The following LIFR variants were observed in gnomAD, a reference collection of about 807,000 sequenced individuals.
The protein encoded by LIFR is LIF receptor subunit alpha.
A neutral mutation model predicts 122.2 loss-of-function variants in LIFR; 84 were observed. The ratio of observed to expected loss-of-function variants is 0.69; its 90% CI spans 0.58 to 0.82. The LOEUF (loss-of-function observed/expected upper bound fraction) is 0.82. Among genes scored for constraint, LIFR ranks in the 40% least tolerant of loss-of-function variants. The pLI is 0.00. For synonymous variants in LIFR, 422 were observed against 434.7 expected (o/e 0.97, Z 0.36); for missense variants, 1,294 against 1,311.6 (o/e 0.99, Z 0.21).
intron 11 of LIFR, among the ~76,000 whole-genome samples, 182 bp from the exon 12 acceptor site, chr5:38,499,765 C>T (rs1745080632): frequency 6.6e-6 from 1 of 152,092 alleles, no homozygotes; most frequent in Non-Finnish European, 1.5e-5. Context: ...AACACACGGC[C>T]CCCTCGAATG....
chr5:38,478,560 C>T lies in LIFR; in HGVS notation c.*3035G>A, dbSNP rs1743830325. On this transcript the variant is annotated 3_prime_UTR_variant, in exon 20 of 20. Transcript: ENST00000453190. The stretch of plus-strand genomic sequence containing the variant: ...TATGCAATATATGATTCACAAGGTT[C>T]ATCTAATGTTAAAAGTCTAGCTAAG... 5.2e-6 allele frequency: 1 copy of T among 191,950 alleles called. No individual in the cohort carries two copies. Among genetic ancestry groups the T allele is most frequent in the Admixed American group, 6.1e-5 (1 of 16,326 alleles). The allele number at this position is 191,950 out of a possible 1,614,324, so 11.9% of individuals were successfully genotyped here. A position where few individuals can be genotyped will look rare whatever the true frequency, so the allele number is the denominator to read the frequency against.
At chr5:38,542,010 C>T (rs373358959) in intron 1 of LIFR, among the ~76,000 whole-genome samples, 1 of 152,124 alleles carries the variant, frequency 6.6e-6, no homozygotes, top group African/African-American at 2.4e-5. Flanking sequence ...TGTCTAAAAT[C>T]GTGTCCTCCA....
rs193186318 is a variant in LIFR at position 38,513,343 on chromosome 5, C to T, written c.562-1379G>A. On this transcript the variant is annotated intron_variant, in intron 5 of 19. Coordinates refer to ENST00000453190, the MANE Select transcript of LIFR (RefSeq NM_001127671.2). The stretch of plus-strand genomic sequence containing the variant: ...GCCAAAGGGCTCAGTGAGTGGCTAT[C>T]CCAGGCTCCCCTGGAAATAAAGAGC... Among the ~76,000 whole-genome samples the T allele has an allele frequency of 1.8e-3, 278 of 152,284 alleles. 2 individuals carry two copies. The highest frequency in any genetic ancestry group is 3.0e-3 in the Non-Finnish European group (203 of 68,034).
chr5:38,530,669 A>T lies in LIFR; in HGVS notation c.-19-3T>A. 1 of 1,612,786 alleles carries T rather than the reference A, an allele frequency of 6.2e-7. No homozygotes were observed. The highest frequency in any genetic ancestry group is 1.1e-5 in the South Asian group (1 of 91,064). ...TCATCTGTGCAATGCAGTCAGTCCT[A>T]GGTTAGGAGAGGAATTCCAGATGGT... On this transcript the variant is annotated splice_region_variant and splice_polypyrimidine_tract_variant and intron_variant, in intron 1 of 19. Transcript: ENST00000453190.
intron 11 of LIFR, among the ~76,000 whole-genome samples, chr5:38,499,899 G>C (rs1280325467): frequency 6.6e-6 from 1 of 152,070 alleles, no homozygotes; most frequent in Non-Finnish European, 1.5e-5. Flanking sequence ...ATATGCCAAA[G>C]ACACAACTGC....
chr5:38,598,764 A>G (rs1347367488), upstream of LIFR, among the ~76,000 whole-genome samples: 1 of 152,136 alleles, frequency 6.6e-6, no homozygotes, highest in African/African-American at 2.4e-5. Context: ...CATAGGATGT[A>G]TCTTACTCCT....
intron 1 of LIFR, among the ~76,000 whole-genome samples, chr5:38,589,684 T>C (rs375678150): frequency 7.6e-4 from 115 of 151,882 alleles, no homozygotes; most frequent in African/African-American, 2.7e-3. Context: ...AAATTAGAGT[T>C]GCAATAGCAA....
chr5:38,497,302 A>C (rs550255317), intron 12 of LIFR, among the ~76,000 whole-genome samples: 57 of 152,370 alleles, frequency 3.7e-4, no homozygotes, highest in African/African-American at 1.3e-3. Flanking sequence ...AACAGCAAAA[A>C]TGAATCTCTC....
At chr5:38,532,756 G>A (rs1747081377) in intron 1 of LIFR, among the ~76,000 whole-genome samples, 2 of 152,144 alleles carry the variant, frequency 1.3e-5, no homozygotes, top group African/African-American at 4.8e-5. Context: ...ACTTACTGTG[G>A]GCCAGAACAA....
Position 38,493,629 on chromosome 5 carries a change from C to T in LIFR, c.2042G>A (p.Ser681Asn). ...ACCAGATTCTATTACAGTTTCAGTGCTGTTTGAGGGAACTTTTCTCCAGTC... is the reference window on the plus strand; with the variant it reads ...ACCAGATTCTATTACAGTTTCAGTGTTGTTTGAGGGAACTTTTCTCCAGTC... Reference protein sequence around the residue: ...LMDWRKVPSNSTETVIESDEF... With the variant: ...LMDWRKVPSNNTETVIESDEF... The change falls in exon 14 of 20, where the codon AGC becomes AAC. Residue 681 changes from serine to asparagine, a missense_variant. Transcript: ENST00000453190. 1 of 1,614,070 alleles carries T rather than the reference C, an allele frequency of 6.2e-7. No individual in the cohort carries two copies. Among genetic ancestry groups the T allele is most frequent in the Non-Finnish European group, 8.5e-7 (1 of 1,179,938 alleles).
upstream of LIFR, chr5:38,556,785 C>G (rs1179948969): frequency 6.8e-6 from 1 of 147,744 alleles, no homozygotes; most frequent in Non-Finnish European, 1.5e-5. Context: ...CGCGCGCCCG[C>G]GCGCGCGGGT....
intron 16 of LIFR, 83 bp downstream of exon 16, chr5:38,488,995 T>C: frequency 1.8e-6 from 2 of 1,141,894 alleles, no homozygotes; most frequent in Non-Finnish European, 2.6e-6. Flanking sequence ...ACTAAACTAC[T>C]GAGCAGGACT....
At position 38,570,237 on chromosome 5, in the gene LIFR, G is replaced by A. The variant is rs141531978; in HGVS notation, c.-20+25024C>T. On this transcript the variant is annotated intron_variant, in intron 1 of 19. Transcript: ENST00000263409. ...AAGTAGAGCATTTAGAACAGTGGCT[G>A]CTATTTAATAAGTACATGTAAGTGT... is the stretch of plus-strand genomic sequence containing the variant. Among the ~76,000 whole-genome samples, 657 of 152,258 alleles carry A rather than the reference G, an allele frequency of 4.3e-3. 3 individuals carry two copies. The highest frequency in any genetic ancestry group is 0.015 in the African/African-American group (639 of 41,556).
At chr5:38,553,676 T>C (rs1748364253) in intron 1 of LIFR, among the ~76,000 whole-genome samples, 1 of 113,662 alleles carries the variant, frequency 8.8e-6, no homozygotes, top group South Asian at 2.8e-4. Context: ...ATATATATTA[T>C]ATGTATGTAT....
At chr5:38,506,748 T>C (rs1240655988) in intron 7 of LIFR, 116 bp from the exon 8 acceptor site, 1 of 868,702 alleles carries the variant, frequency 1.2e-6, no homozygotes, top group Non-Finnish European at 1.8e-6. Context: ...ATTTACTATT[T>C]ACATTTTACT....
rs1046261698 is a variant in LIFR at position 38,478,972 on chromosome 5, C to A, written c.*2623G>T. The A allele has an allele frequency of 8.7e-6, 2 of 230,598 alleles. No individual in the cohort carries two copies. The highest frequency in any genetic ancestry group is 1.7e-5 in the Non-Finnish European group (2 of 116,446). 14.3% of individuals were successfully genotyped at this position (230,598 alleles called of 1,614,324 possible). A position where few individuals can be genotyped will look rare whatever the true frequency, so the allele number is the denominator to read the frequency against. ...GCCACGAATCTAACTGGACAGAGCA[C>A]AATCAGTATGAGACCACCTTGTAAA... On this transcript the variant is annotated 3_prime_UTR_variant, in exon 20 of 20. Coordinates refer to ENST00000453190, the MANE Select transcript of LIFR (RefSeq NM_001127671.2).
At chr5:38,485,573 A>G (rs1744242418) in intron 17 of LIFR, 1 of 560,670 alleles carries the variant, frequency 1.8e-6, no homozygotes, top group South Asian at 2.1e-5. Context: ...AGACCTCTAG[A>G]CTTCAGATGT....
chr5:38,504,422 AAAAAAGAAAAG>A (rs1054495564), intron 9 of LIFR, among the ~76,000 whole-genome samples: 3 of 151,462 alleles, frequency 2.0e-5, no homozygotes, highest in Admixed American at 2.0e-4. Context: ...GACCAAAAAA[AAAAAAGAAAAG>A]AAAAAAGAAA....
chr5:38,530,638 T>G lies in LIFR; in HGVS notation c.10A>C (p.Ile4Leu). 2 of 1,613,916 alleles carry G rather than the reference T, an allele frequency of 1.2e-6. No individual in the cohort carries two copies. The highest frequency in any genetic ancestry group is 8.5e-7 in the Non-Finnish European group (1 of 1,179,822). ...GATGGTCGTTTCAAACATACGTAAA[T>G]ATCCATCATCTGTGCAATGCAGTCA... MMD[I>L]YVCLKRPSWM... Residue 4 changes from isoleucine (I) to leucine (L), a missense_variant, in exon 2 of 20, where the codon ATT becomes CTT. Physicochemically the swap from Ile to Leu is conservative, Grantham distance 5 (BLOSUM62 2). Coordinates refer to ENST00000453190, the MANE Select transcript of LIFR (RefSeq NM_001127671.2).
Sources: gnomAD v4.1 joint callset for allele counts (sites outside exome capture counted in the v4.1 genomes callset) on GRCh38, gnomAD v4.1.1 for gene constraint, MANE v1.5 for transcripts, NCBI Gene and HGNC (gene_info 2026-07-23, HGNC 2026-07-21) for gene names.